The following CIRSR variants were observed in gnomAD, a reference collection of about 807,000 sequenced individuals.
The protein encoded by CIRSR is CBF1 (RBPJ) interacting corepressor 1.
the CIRSR span, chr2:174,350,880 T>C: frequency 1.5e-5 from 10 of 661,882 alleles, no homozygotes; most frequent in Non-Finnish European, 2.4e-5. Flanking sequence ...GATTGGGAAG[T>C]GGGAGAGAAT....
the CIRSR span, chr2:174,387,450 T>C: frequency 2.5e-4 from 86 of 340,396 alleles, no homozygotes; most frequent in Non-Finnish European, 3.6e-4. Flanking sequence ...ATTTGAGACT[T>C]GCTCAAAGAC....
At chr2:174,367,346 G>A in the CIRSR span, among the ~76,000 whole-genome samples, 4 of 152,140 alleles carry the variant, frequency 2.6e-5, no homozygotes, top group African/African-American at 7.2e-5. Flanking sequence ...TTGGGAGGCC[G>A]AGGCAGACGG....
chr2:174,381,476 A>C, the CIRSR span, among the ~76,000 whole-genome samples: 10 of 152,030 alleles, frequency 6.6e-5, no homozygotes, highest in Non-Finnish European at 8.8e-5. Flanking sequence ...AACATGGTGA[A>C]ACTCTGTCTC....
chr2:174,386,443 A>C, the CIRSR span, among the ~76,000 whole-genome samples: 1 of 152,152 alleles, frequency 6.6e-6, no homozygotes, highest in Non-Finnish European at 1.5e-5. Flanking sequence ...TGGCCTCCCA[A>C]AGTGCTGGGA....
chr2:174,374,824 A>G, the CIRSR span, among the ~76,000 whole-genome samples: 2 of 152,218 alleles, frequency 1.3e-5, no homozygotes, highest in Non-Finnish European at 2.9e-5. Flanking sequence ...CTTGCATGCC[A>G]GCATCCTTCC....
the CIRSR span, chr2:174,351,625 T>C: frequency 2.5e-6 from 4 of 1,612,552 alleles, no homozygotes; most frequent in Non-Finnish European, 3.4e-6. Context: ...TTACCTGTGA[T>C]GGATCATTTG....
the CIRSR span, among the ~76,000 whole-genome samples, chr2:174,356,532 A>C: frequency 7.8e-6 from 1 of 128,948 alleles, no homozygotes; most frequent in African/African-American, 2.8e-5. Context: ...AGAAAGAAGA[A>C]AGGAAGGAAG....
chr2:174,360,282 T>A, the CIRSR span, among the ~76,000 whole-genome samples: 1 of 152,226 alleles, frequency 6.6e-6, no homozygotes, highest in Non-Finnish European at 1.5e-5. Context: ...AGAGAGCTTG[T>A]TTTTTGCCTT....
At chr2:174,354,794 G>A in the CIRSR span, among the ~76,000 whole-genome samples, 3 of 122,538 alleles carry the variant, frequency 2.4e-5, no homozygotes, top group East Asian at 6.6e-4. Flanking sequence ...TAGAGACAGG[G>A]TTTTGCCATG....
At chr2:174,368,203 T>C in the CIRSR span, among the ~76,000 whole-genome samples, 2 of 151,918 alleles carry the variant, frequency 1.3e-5, no homozygotes, top group Non-Finnish European at 2.9e-5. Flanking sequence ...TTCAACTGAA[T>C]AGTACCATCC....
chr2:174,385,287 T>A, the CIRSR span, among the ~76,000 whole-genome samples: 1 of 150,648 alleles, frequency 6.6e-6, no homozygotes, highest in African/African-American at 2.4e-5. Context: ...AGGTGATTGA[T>A]ATAATAAACA....
the CIRSR span, chr2:174,348,820 A>C: frequency 6.2e-7 from 1 of 1,614,072 alleles, no homozygotes. Flanking sequence ...TCCTCCCTAG[A>C]ACTCTCGTGT....
At chr2:174,361,718 T>G in the CIRSR span, among the ~76,000 whole-genome samples, 1 of 152,228 alleles carries the variant, frequency 6.6e-6, no homozygotes, top group Non-Finnish European at 1.5e-5. Flanking sequence ...TAGTTTAAAT[T>G]GTTCATTTTC....
At chr2:174,353,291 G>A in the CIRSR span, among the ~76,000 whole-genome samples, 2 of 152,082 alleles carry the variant, frequency 1.3e-5, no homozygotes, top group African/African-American at 2.4e-5. Context: ...AACCAAGAGG[G>A]TTTTTAATTT....
chr2:174,380,155 T>G, the CIRSR span: 8 of 1,315,356 alleles, frequency 6.1e-6, no homozygotes, highest in Admixed American at 1.8e-4. Context: ...AAAGATACAT[T>G]TATTAAATAA....
chr2:174,368,516 A>G, the CIRSR span, among the ~76,000 whole-genome samples: 2 of 152,192 alleles, frequency 1.3e-5, no homozygotes, highest in South Asian at 4.1e-4. Flanking sequence ...TAAAAAATAT[A>G]TATTTTGAAC....
At chr2:174,377,365 A>C in the CIRSR span, among the ~76,000 whole-genome samples, 1 of 152,002 alleles carries the variant, frequency 6.6e-6, no homozygotes, top group African/African-American at 2.4e-5. Context: ...GCAAGGGAGG[A>C]GGAGGCATTA....
chr2:174,365,427 C>G, the CIRSR span, among the ~76,000 whole-genome samples: 1 of 152,188 alleles, frequency 6.6e-6, no homozygotes, highest in Non-Finnish European at 1.5e-5. Context: ...AAGTTGCTTC[C>G]ACATTTTCAG....
At chr2:174,378,951 A>G in the CIRSR span, 1 of 1,613,210 alleles carries the variant, frequency 6.2e-7, no homozygotes, top group South Asian at 1.1e-5. Context: ...CCGAACTTGC[A>G]TTGATTCCAG....
Sources: allele counts gnomAD v4.1 joint callset (sites outside exome capture counted in the v4.1 genomes callset), GRCh38; gene constraint gnomAD v4.1.1; transcripts MANE v1.5; gene names NCBI Gene and HGNC (gene_info 2026-07-23, HGNC 2026-07-21).